The following NMNAT2 variants were observed in gnomAD, a reference collection of about 807,000 sequenced individuals.
The protein encoded by NMNAT2 is nicotinamide nucleotide adenylyltransferase 2, also known as nicotinamide/nicotinic acid mononucleotide adenylyltransferase 2.
Under a neutral mutation model 41.6 loss-of-function variants are expected in NMNAT2, and 11 were observed. The ratio of observed to expected loss-of-function variants is 0.26; its 90% CI spans 0.17 to 0.44. NMNAT2 has a LOEUF of 0.44. Among genes scored for constraint, NMNAT2 ranks in the 20% least tolerant of loss-of-function variants. The pLI, the probability that NMNAT2 is intolerant of heterozygous loss-of-function variation, is 1.00. For missense variants in NMNAT2, 288 were observed against 407.7 expected, an observed-to-expected ratio of 0.71 and a Z score of 2.53; for synonymous variants, 148 against 151.2, an observed-to-expected ratio of 0.98 and a Z score of 0.16.
intron 1 of NMNAT2, among the ~76,000 whole-genome samples, chr1:183,364,723 A>C (rs956512882): frequency 3.6e-5 from 3 of 83,654 alleles, no homozygotes; most frequent in Non-Finnish European, 8.1e-5. Flanking sequence ...ACGGAGTCTC[A>C]CACCGTCTCC....
chr1:183,282,422 T>C (rs1338024635), intron 7 of NMNAT2, among the ~76,000 whole-genome samples: 8 of 152,358 alleles, frequency 5.3e-5, no homozygotes, highest in African/African-American at 1.7e-4. Context: ...TGATCACCAC[T>C]GTCCTCTCCT....
At chr1:183,403,680 C>T (rs1451160812) in intron 1 of NMNAT2, among the ~76,000 whole-genome samples, 4 of 152,212 alleles carry the variant, frequency 2.6e-5, no homozygotes, top group Admixed American at 2.6e-4. Context: ...ATATGATTTA[C>T]TGGGCAAACT....
rs146196222 is a variant in NMNAT2 at position 183,263,929 on chromosome 1, T to C, written c.652-2626A>G. Among the ~76,000 whole-genome samples the C allele has an allele frequency of 6.0e-3, 914 of 152,102 alleles. 14 individuals are homozygous for C. Among genetic ancestry groups the C allele is most frequent in the African/African-American group, 0.021 (851 of 41,480 alleles). The stretch of plus-strand genomic sequence containing the variant: ...TGCAACAAAGTTGGCGAACCAGTGG[T>C]CTAAGTACTGAATTAAAGCTCCGGG... On this transcript the variant is annotated intron_variant, in intron 8 of 10. Transcript: ENST00000287713.
chr1:183,323,184 A>G (rs957591583), intron 1 of NMNAT2, among the ~76,000 whole-genome samples: 1 of 152,086 alleles, frequency 6.6e-6, no homozygotes, highest in Non-Finnish European at 1.5e-5. Context: ...CACCCGCCTC[A>G]GTCTCCCAAA....
rs185684013 is a variant in NMNAT2, at chr1:183,390,329, A to T, written c.85+27854T>A. Among the ~76,000 whole-genome samples, 108 of 152,310 alleles carry T rather than the reference A, an allele frequency of 7.1e-4. 1 individual carries two copies. The highest frequency in any genetic ancestry group is 2.3e-3 in the African/African-American group (97 of 41,584). ...AATGTCAACAGTCAAAGTTACCTTC[A>T]CACCCTAATCTTGTCTCCATGCCCT... On this transcript the variant is annotated intron_variant, in intron 1 of 10. Coordinates refer to ENST00000287713, the MANE Select transcript of NMNAT2 (RefSeq NM_015039.4).
intron 1 of NMNAT2, among the ~76,000 whole-genome samples, chr1:183,365,802 G>A (rs549468702): frequency 6.6e-6 from 1 of 152,182 alleles, no homozygotes; most frequent in African/African-American, 2.4e-5. Context: ...ACACGGTGTT[G>A]TATAAACCCC....
intron 1 of NMNAT2, among the ~76,000 whole-genome samples, chr1:183,299,416 T>C (rs1008859950): frequency 6.6e-6 from 1 of 152,112 alleles, no homozygotes; most frequent in East Asian, 1.9e-4. Flanking sequence ...AAATTATTGA[T>C]ATGTGCAAGA....
intron 1 of NMNAT2, among the ~76,000 whole-genome samples, chr1:183,358,040 T>C (rs926636783): frequency 3.3e-5 from 5 of 152,124 alleles, no homozygotes; most frequent in African/African-American, 1.2e-4. Flanking sequence ...CAATGATAGA[T>C]TGGATTAAAA....
intron 10 of NMNAT2, among the ~76,000 whole-genome samples, chr1:183,257,490 A>G (rs1051626250): frequency 7.9e-5 from 12 of 152,212 alleles, no homozygotes; most frequent in Non-Finnish European, 1.3e-4. Flanking sequence ...GGTAGAATTC[A>G]GCTCTGAAGT....
chr1:183,293,824 A>G (rs200981122), intron 1 of NMNAT2, 31 bp from the exon 2 acceptor site: 7 of 1,480,398 alleles, frequency 4.7e-6, no homozygotes, highest in African/African-American at 2.8e-5. Flanking sequence ...ACACATTATA[A>G]AGAGGAAAGG....
intron 1 of NMNAT2, among the ~76,000 whole-genome samples, chr1:183,406,483 G>GC (rs1316397818): frequency 6.6e-6 from 1 of 152,142 alleles, no homozygotes; most frequent in Non-Finnish European, 1.5e-5. Flanking sequence ...GTGCAATTGT[G>GC]CCAAATGCTA....
At chr1:183,396,398 G>T (rs963674940) in intron 1 of NMNAT2, among the ~76,000 whole-genome samples, 17 of 152,168 alleles carry the variant, frequency 1.1e-4, no homozygotes, top group African/African-American at 4.1e-4. Context: ...AACACCTGAA[G>T]GTGGTGATCA....
At position 183,405,035 on chromosome 1, in the gene NMNAT2, A is replaced by G. The variant is rs143363540; in HGVS notation, c.85+13148T>C. Among the ~76,000 whole-genome samples, 751 of 152,290 alleles carry G rather than the reference A, an allele frequency of 4.9e-3. 4 individuals are homozygous for G. The highest frequency in any genetic ancestry group is 8.3e-3 in the Non-Finnish European group (564 of 68,026). On this transcript the variant is annotated intron_variant, in intron 1 of 10. Coordinates refer to ENST00000287713, the MANE Select transcript of NMNAT2 (RefSeq NM_015039.4). ...CAGGAGTTCGAGACCAGCCTGGGCA[A>G]CATGGTGAAATCCCATCTCTATAAA...
rs550604877 is a variant in NMNAT2 at position 183,329,624 on chromosome 1, C to G, written c.86-35831G>C. 8.5e-5 allele frequency among the ~76,000 whole-genome samples: 13 copies of G among 152,332 alleles called. No individual in the cohort carries two copies. The South Asian group carries it at 2.7e-3, about 32-fold the overall frequency. ...ATGGAGGGCTGCAGCCAGAGCCACA[C>G]TGAGCTGTCCTCCTTCCCAACAGAT... On this transcript the variant is annotated intron_variant, in intron 1 of 10. Transcript: ENST00000287713.
chr1:183,268,490 C>G (rs1423921026), intron 8 of NMNAT2, among the ~76,000 whole-genome samples: 1 of 152,292 alleles, frequency 6.6e-6, no homozygotes, highest in East Asian at 1.9e-4. Context: ...TGGCTAATAT[C>G]TTACAGTGAC....
chr1:183,333,816 A>G (rs1487463483), intron 1 of NMNAT2, among the ~76,000 whole-genome samples: 1 of 152,236 alleles, frequency 6.6e-6, no homozygotes, highest in Non-Finnish European at 1.5e-5. Context: ...TTCTTCACAG[A>G]TAATCTGCTG....
chr1:183,276,382 G>A (rs1055312608), intron 8 of NMNAT2, among the ~76,000 whole-genome samples: 1 of 152,180 alleles, frequency 6.6e-6, no homozygotes, highest in African/African-American at 2.4e-5. Context: ...GAGACCTGGG[G>A]CTCTTCTCCC....
chr1:183,269,458 C>T (rs1660924474), intron 8 of NMNAT2, among the ~76,000 whole-genome samples: 1 of 152,232 alleles, frequency 6.6e-6, no homozygotes, highest in African/African-American at 2.4e-5. Flanking sequence ...CTCTGCAGGG[C>T]CATCCTGAGA....
At chr1:183,291,637 A>G (rs1248669647) in intron 3 of NMNAT2, among the ~76,000 whole-genome samples, 1 of 152,156 alleles carries the variant, frequency 6.6e-6, no homozygotes, top group Non-Finnish European at 1.5e-5. Flanking sequence ...AAGCACATCC[A>G]AGCAGTAACA....
Sources: gnomAD v4.1 joint callset for allele counts (sites outside exome capture counted in the v4.1 genomes callset) on GRCh38, gnomAD v4.1.1 for gene constraint, MANE v1.5 for transcripts, NCBI Gene and HGNC (gene_info 2026-07-23, HGNC 2026-07-21) for gene names.